Variants in SLC25A21 observed in about 807,000 individuals in gnomAD.
The protein encoded by SLC25A21 is solute carrier family 25 member 21.
SLC25A21 carries 47 observed loss-of-function variants against 43.8 expected under a neutral mutation model. The ratio of observed to expected loss-of-function variants is 1.07; its 90% CI spans 0.85 to 1.37. The LOEUF (loss-of-function observed/expected upper bound fraction) is 1.37. Among genes scored for constraint, SLC25A21 ranks in the 40% most tolerant of loss-of-function variants. SLC25A21 has a pLI of 0.00. For missense variants in SLC25A21, 352 were observed against 350.2 expected (o/e 1.00, Z -0.04); for synonymous variants, 131 against 121.3 (o/e 1.08, Z -0.52).
At chr14:36,757,815 G>T (rs1028723936) in intron 3 of SLC25A21, among the ~76,000 whole-genome samples, 1 of 152,146 alleles carries the variant, frequency 6.6e-6, no homozygotes, top group East Asian at 1.9e-4. Context: ...TTTCTTCCTT[G>T]TGAACAAAAG....
chr14:37,026,906 T>C (rs1382475236), intron 1 of SLC25A21, among the ~76,000 whole-genome samples: 2 of 152,098 alleles, frequency 1.3e-5, no homozygotes, highest in Non-Finnish European at 2.9e-5. Flanking sequence ...ACCTACTGTC[T>C]TGCCAGGCTC....
intron 1 of SLC25A21, among the ~76,000 whole-genome samples, chr14:36,941,137 ACCAAACTCCGGGAGTACACAGAGGG>A (rs377682814): frequency 0.011 from 1,681 of 152,196 alleles, 23 homozygotes; most frequent in African/African-American, 0.037. Flanking sequence ...TTAGTATCAA[ACCAAACTCCGGGAGTACACAGAGGG>A]CCTTCCTACA....
intron 3 of SLC25A21, among the ~76,000 whole-genome samples, chr14:36,748,090 A>G (rs951989018): frequency 6.6e-6 from 1 of 152,232 alleles, no homozygotes; most frequent in African/African-American, 2.4e-5. Flanking sequence ...TGAAACAGCT[A>G]GTAAGTGATG....
At chr14:37,127,336 T>C (rs956980128) in intron 1 of SLC25A21, among the ~76,000 whole-genome samples, 1 of 152,150 alleles carries the variant, frequency 6.6e-6, no homozygotes, top group African/African-American at 2.4e-5. Context: ...ACCACAAATT[T>C]CCACTCATCA....
At chr14:36,971,869 T>C (rs138948989) in intron 1 of SLC25A21, among the ~76,000 whole-genome samples, 109 of 152,284 alleles carry the variant, frequency 7.2e-4, no homozygotes, top group African/African-American at 2.5e-3. Flanking sequence ...GAAAGGCAAG[T>C]CCTGAGTCTT....
chr14:37,001,187 C>A (rs142751649), intron 1 of SLC25A21, among the ~76,000 whole-genome samples: 1 of 152,138 alleles, frequency 6.6e-6, no homozygotes, highest in East Asian at 1.9e-4. Context: ...TACTAAGTAG[C>A]TTAACTATTG....
chr14:36,734,434 T>G, intron 4 of SLC25A21, 73 bp downstream of exon 4: 1 of 1,032,426 alleles, frequency 9.7e-7, no homozygotes, highest in Non-Finnish European at 1.3e-6. Context: ...CATTTTAATG[T>G]CTTAAGAGTT....
intron 1 of SLC25A21, among the ~76,000 whole-genome samples, chr14:37,153,246 C>T (rs559581557): frequency 6.6e-6 from 1 of 152,192 alleles, no homozygotes; most frequent in African/African-American, 2.4e-5. Flanking sequence ...CAGGAAGGTG[C>T]CATTTTCAAA....
intron 1 of SLC25A21, among the ~76,000 whole-genome samples, chr14:37,121,495 G>C (rs1397258765): frequency 6.6e-6 from 1 of 152,086 alleles, no homozygotes; most frequent in Admixed American, 6.5e-5. Context: ...TTTGTTTTAA[G>C]TGCAGATTCT....
At position 37,011,408 on chromosome 14, in the gene SLC25A21, G is replaced by T. The variant is rs567239820; in HGVS notation, c.71-136404C>A. 2.6e-5 allele frequency among the ~76,000 whole-genome samples: 4 copies of T among 151,954 alleles called. 1 individual carries two copies. The highest frequency in any genetic ancestry group is 5.9e-5 in the Non-Finnish European group (4 of 68,004). On this transcript the variant is annotated intron_variant, in intron 1 of 9. Transcript: ENST00000331299. ...AAGGACTCTAATTGAGATAATAAAA[G>T]TAATAAAGATTTATGTTTTTTGTGA... is the stretch of plus-strand genomic sequence containing the variant.
At chr14:36,860,308 C>T (rs1890031045) in intron 2 of SLC25A21, among the ~76,000 whole-genome samples, 1 of 152,144 alleles carries the variant, frequency 6.6e-6, no homozygotes, top group Non-Finnish European at 1.5e-5. Context: ...TATGTACTTG[C>T]AATCACTTTA....
At chr14:37,172,206 G>A in intron 1 of SLC25A21, 75 bp downstream of exon 1, 1 of 1,439,596 alleles carries the variant, frequency 6.9e-7, no homozygotes, top group Non-Finnish European at 9.4e-7. Context: ...AAGGAGACCT[G>A]TCTGGGCAAC....
chr14:37,120,234 C>A (rs72669551), intron 1 of SLC25A21, among the ~76,000 whole-genome samples: 3,481 of 152,162 alleles, frequency 0.023, 124 homozygotes, highest in Admixed American at 0.092. Context: ...GTCACTGGAG[C>A]AAATTATCTC....
chr14:36,808,190 G>T (rs936927726), intron 3 of SLC25A21, among the ~76,000 whole-genome samples: 1 of 152,280 alleles, frequency 6.6e-6, no homozygotes, highest in African/African-American at 2.4e-5. Flanking sequence ...AGCTTAATCT[G>T]ACCTAGTTGT....
At chr14:36,970,458 A>T (rs979826685) in intron 1 of SLC25A21, among the ~76,000 whole-genome samples, 3 of 152,234 alleles carry the variant, frequency 2.0e-5, no homozygotes, top group Admixed American at 6.5e-5. Context: ...GAAATATCCA[A>T]TTAATTTTAT....
intron 3 of SLC25A21, among the ~76,000 whole-genome samples, chr14:36,763,779 C>T (rs1232062532): frequency 6.6e-6 from 1 of 151,664 alleles, no homozygotes; most frequent in African/African-American, 2.4e-5. Flanking sequence ...GCCTGTAATC[C>T]GAGCACTTTA....
At chr14:36,899,782 C>T (rs1444291787) in intron 1 of SLC25A21, among the ~76,000 whole-genome samples, 1 of 152,136 alleles carries the variant, frequency 6.6e-6, no homozygotes, top group Non-Finnish European at 1.5e-5. Context: ...ATTTATTCAG[C>T]ATTTATTTCA....
At chr14:36,772,553 G>C (rs183582481) in intron 3 of SLC25A21, among the ~76,000 whole-genome samples, 3 of 152,240 alleles carry the variant, frequency 2.0e-5, no homozygotes, top group African/African-American at 7.2e-5. Context: ...TAGTGCTTAT[G>C]TGAAGAGCAG....
At chr14:37,127,675 A>G (rs1963321411) in intron 1 of SLC25A21, among the ~76,000 whole-genome samples, 1 of 152,202 alleles carries the variant, frequency 6.6e-6, no homozygotes, top group Non-Finnish European at 1.5e-5. Flanking sequence ...TTTCAAGAGC[A>G]CAAAGACCAG....
Sources: allele counts gnomAD v4.1 joint callset (sites outside exome capture counted in the v4.1 genomes callset), GRCh38; gene constraint gnomAD v4.1.1; transcripts MANE v1.5; gene names NCBI Gene and HGNC (gene_info 2026-07-23, HGNC 2026-07-21).